The following TBC1D23 variants were observed in gnomAD, a reference collection of about 807,000 sequenced individuals.
TBC1D23 encodes the protein TBC1 domain family member 23.
In TBC1D23, 55 loss-of-function variants were observed where a neutral mutation model predicts 91.4. The ratio of observed to expected loss-of-function variants is 0.60; its 90% CI spans 0.48 to 0.75. The LOEUF (loss-of-function observed/expected upper bound fraction) is 0.75, where lower values mean the gene tolerates loss of function less well. Ranked by LOEUF, TBC1D23 falls within the 30% of genes least tolerant of loss-of-function variation. The pLI is 0.00. For synonymous variants in TBC1D23, 289 were observed against 281.0 expected (o/e 1.03, Z -0.28); for missense variants, 725 against 836.1 (o/e 0.87, Z 1.64).
intron 15 of TBC1D23, chr3:100,315,797 A>G: frequency 3.0e-6 from 1 of 329,122 alleles, no homozygotes; most frequent in South Asian, 4.7e-5. Flanking sequence ...TAACTTCCGC[A>G]AGGCCAAACA....
Position 100,265,408 on chromosome 3 carries a change from G to A in TBC1D23, c.53+4337G>A, listed in dbSNP as rs114544961. ...GCCATGTAAGCTCAAAGGGTGTGGT[G>A]AAATTCTTGTAAAAATGCTTATAGT... On this transcript the variant is annotated intron_variant, in intron 1 of 18. Coordinates refer to ENST00000394144, the MANE Select transcript of TBC1D23 (RefSeq NM_001199198.3). 6.8e-3 allele frequency among the ~76,000 whole-genome samples: 1,028 copies of A among 152,284 alleles called. 16 individuals are homozygous for A. Among genetic ancestry groups the A allele is most frequent in the African/African-American group, 0.024 (988 of 41,552 alleles).
rs2067838103 is a variant in TBC1D23 at position 100,296,213 on chromosome 3, A to G, written c.814A>G (p.Ile272Val). 6 of 1,607,688 alleles carry G rather than the reference A, an allele frequency of 3.7e-6. No individual in the cohort carries two copies. In the South Asian group the frequency reaches 4.5e-5, roughly 12 times the overall value. Residue 272 changes from isoleucine (I) to valine (V), a missense_variant, in exon 8 of 19, where the codon ATA (isoleucine) becomes GTA (valine). Ile to Val is a conservative substitution (Grantham distance 29). Transcript: ENST00000394144. Reference protein sequence around the residue: ...NTPSSLNIEDIEDLFSLAQYY... With the variant: ...NTPSSLNIEDVEDLFSLAQYY... ...TCCATCCAGTCTGAATATAGAAGATATAGAAGACCTTTTCTCTCTGGCTCA... is the reference window on the plus strand; with the variant it reads ...TCCATCCAGTCTGAATATAGAAGATGTAGAAGACCTTTTCTCTCTGGCTCA...
intron 5 of TBC1D23, 128 bp downstream of exon 5, chr3:100,290,829 G>T: frequency 1.4e-6 from 1 of 718,762 alleles, no homozygotes; most frequent in Non-Finnish European, 2.1e-6. Context: ...TTAAACCAAA[G>T]GGGTAAAATT....
rs765762284 is a variant in TBC1D23 at position 100,283,821 on chromosome 3, G to T, written c.476+10G>T. On this transcript the variant is annotated intron_variant, in intron 4 of 18. Transcript: ENST00000394144. ...ATAAGTACATTCCCAGGTAAAATAT[G>T]ATTCAGTTATTGTAGTTTTTAAAAG... 1 of 1,573,950 alleles carries T rather than the reference G, an allele frequency of 6.4e-7. No individual in the cohort carries two copies.
Position 100,310,537 on chromosome 3 carries a change from G to C in TBC1D23, c.1548G>C (p.Val516=). The C allele has an allele frequency of 6.2e-7, 1 of 1,611,470 alleles. No individual in the cohort carries two copies. The highest frequency in any genetic ancestry group is 8.5e-7 in the Non-Finnish European group (1 of 1,178,788). ...ISFIENTSTP[V]DRMSFNLPWP... is the part of the protein sequence containing the mutation. ...TTATAGAGAATACATCAACTCCTGT[G>C]GATCGGTGAGTTGTTTATACAGTAT... The change falls in exon 14 of 19, where the codon GTG becomes GTC. Residue 516 remains valine (V), a synonymous_variant. Transcript: ENST00000394144.
At position 100,271,608 on chromosome 3, in the gene TBC1D23, T is replaced by G. The variant is rs192995668; in HGVS notation, c.54-8041T>G. Among the ~76,000 whole-genome samples, 4 of 152,228 alleles carry G rather than the reference T, an allele frequency of 2.6e-5. No homozygotes were observed. The East Asian group carries it at 7.7e-4, about 29-fold the overall frequency. On this transcript the variant is annotated intron_variant, in intron 1 of 18. Coordinates refer to ENST00000394144, the MANE Select transcript of TBC1D23 (RefSeq NM_001199198.3). The stretch of plus-strand genomic sequence containing the variant: ...ATAATAAGTTGCTTATGTTTGTTTG[T>G]TTTTGGAGGGGGCTGAGATCAAAGG...
At chr3:100,272,637 C>T (rs1312720343) in intron 1 of TBC1D23, among the ~76,000 whole-genome samples, 1 of 152,106 alleles carries the variant, frequency 6.6e-6, no homozygotes, top group South Asian at 2.1e-4. Flanking sequence ...TATGGAGGAT[C>T]CCGCCAGCCT....
chr3:100,279,640 A>AT lies in TBC1D23; in HGVS notation c.54-3dup, dbSNP rs1378253732. The AT allele has an allele frequency of 1.3e-6, 2 of 1,556,206 alleles. No homozygotes were observed. The highest frequency in any genetic ancestry group is 4.6e-5 in the East Asian group (2 of 43,878). On this transcript the variant is annotated splice_polypyrimidine_tract_variant and intron_variant, in intron 1 of 18. Transcript: ENST00000394144. ...AAGTTCATTTTAATAAATAGGACTT[A>AT]TTTTTTAGGGAAAAAGATCTTGAAG...
At chr3:100,321,047 G>T in intron 18 of TBC1D23, 76 bp downstream of exon 18, 2 of 1,140,056 alleles carry the variant, frequency 1.8e-6, no homozygotes, top group African/African-American at 3.2e-5. Context: ...TAAAGAGTTT[G>T]TTTCTTTATT....
At position 100,296,791 on chromosome 3, in the gene TBC1D23, C is replaced by T. The variant is rs532292023; in HGVS notation, c.876+516C>T. Among the ~76,000 whole-genome samples, 811 of 146,228 alleles carry T rather than the reference C, an allele frequency of 5.5e-3. 3 individuals carry two copies. Among genetic ancestry groups the T allele is most frequent in the Non-Finnish European group, 9.7e-3 (655 of 67,306 alleles). On this transcript the variant is annotated intron_variant, in intron 8 of 18. Coordinates refer to ENST00000394144, the MANE Select transcript of TBC1D23 (RefSeq NM_001199198.3). ...AGGAGAATGGCGTGAACCCAGGAGG[C>T]GGAGTTTGCAGTGAGCTGAGATTGT...
chr3:100,294,831 C>T (rs1049590018), intron 5 of TBC1D23, among the ~76,000 whole-genome samples: 5 of 152,028 alleles, frequency 3.3e-5, no homozygotes, highest in African/African-American at 4.8e-5. Context: ...TAGCATTATT[C>T]CTCTTTTTTA....
At chr3:100,272,905 G>A (rs933326473) in intron 1 of TBC1D23, among the ~76,000 whole-genome samples, 4 of 151,496 alleles carry the variant, frequency 2.6e-5, no homozygotes, top group Non-Finnish European at 4.4e-5. Flanking sequence ...TATCTCAGTA[G>A]ATGGAACATA....
chr3:100,290,807 G>T, intron 5 of TBC1D23, 106 bp downstream of exon 5: 1 of 1,002,510 alleles, frequency 1.0e-6, no homozygotes, highest in Non-Finnish European at 1.4e-6. Context: ...CCTAATTATA[G>T]ATCATTACTG....
intron 1 of TBC1D23, among the ~76,000 whole-genome samples, chr3:100,276,194 G>A (rs780835394): frequency 2.6e-5 from 4 of 151,872 alleles, no homozygotes; most frequent in Non-Finnish European, 4.4e-5. Context: ...TTGAAATGAT[G>A]GGGAAAATAA....
At chr3:100,321,024 C>A in intron 18 of TBC1D23, 53 bp downstream of exon 18, 1 of 1,262,728 alleles carries the variant, frequency 7.9e-7, no homozygotes, top group East Asian at 2.4e-5. Context: ...ATCTGAATTA[C>A]TGTAGTTCAC....
intron 3 of TBC1D23, among the ~76,000 whole-genome samples, chr3:100,283,139 G>A (rs935476144): frequency 9.2e-5 from 14 of 152,162 alleles, no homozygotes; most frequent in African/African-American, 1.7e-4. Flanking sequence ...TTGGGAGGCC[G>A]AGGCAGGCAG....
In TBC1D23 at chr3:100,320,815, G is replaced by A; in HGVS notation, c.1862G>A (p.Arg621Lys). ...LVTATHMYCL[R>K]EIVSRKGLAY... ...ACTGCAACACATATGTACTGTTTAA[G>A]GGAGATTGTTTCACGGAAAGGATTG... is the stretch of plus-strand genomic sequence containing the variant. The change falls in exon 18 of 19, where the codon AGG becomes AAG. Residue 621 changes from arginine to lysine, a missense_variant. Transcript: ENST00000394144. 2 of 1,609,942 alleles carry A rather than the reference G, an allele frequency of 1.2e-6. No individual in the cohort carries two copies. The highest frequency in any genetic ancestry group is 1.7e-6 in the Non-Finnish European group (2 of 1,178,704).
intron 1 of TBC1D23, among the ~76,000 whole-genome samples, chr3:100,276,439 C>T (rs1017138992): frequency 3.3e-5 from 5 of 151,900 alleles, no homozygotes; most frequent in African/African-American, 9.7e-5. Flanking sequence ...TTTCTAATAA[C>T]GAATTTGTTA....
intron 10 of TBC1D23, among the ~76,000 whole-genome samples, chr3:100,301,512 T>C (rs437243): frequency 6.6e-6 from 1 of 152,368 alleles, no homozygotes; most frequent in South Asian, 2.1e-4. Context: ...TTTTTCACCA[T>C]ACTTTTTGTG....
Sources: gnomAD v4.1 joint callset for allele counts (sites outside exome capture counted in the v4.1 genomes callset) on GRCh38, gnomAD v4.1.1 for gene constraint, MANE v1.5 for transcripts, NCBI Gene and HGNC (gene_info 2026-07-23, HGNC 2026-07-21) for gene names.